Variants in HTATSF1 observed in about 807,000 individuals in gnomAD.
HTATSF1 encodes the protein 17S U2 SnRNP complex component HTATSF1.
In HTATSF1, 6 loss-of-function variants were observed where a neutral mutation model predicts 46.1. That is an observed-to-expected ratio of 0.13 (90% CI 0.07 to 0.26). The LOEUF is 0.26. HTATSF1 is among the 10% of genes least tolerant of loss of function. The probability of loss-of-function intolerance (pLI) is 1.00; values close to 1 mark genes in which losing one functional copy is unlikely to be tolerated. For missense variants in HTATSF1, 452 were observed against 559.9 expected, an observed-to-expected ratio of 0.81 and a Z score of 1.94; for synonymous variants, 226 against 211.5, an observed-to-expected ratio of 1.07 and a Z score of -0.60.
At chrX:136,499,844 T>C (rs2075710004) in intron 2 of HTATSF1, 66 bp downstream of exon 2, 9 of 867,724 alleles carry the variant, frequency 1.0e-5, no homozygotes, top group Non-Finnish European at 1.3e-5. Flanking sequence ...ATAGGTACAG[T>C]TGCTTTTTCG....
Position 136,511,211 on chromosome X carries a change from A to G in HTATSF1, c.1466A>G (p.Asn489Ser), listed in dbSNP as rs369911529. The G allele has an allele frequency of 9.1e-6, 11 of 1,208,352 alleles. No homozygotes were observed. The highest frequency in any genetic ancestry group is 8.9e-5 in the East Asian group (3 of 33,841). ...SCSQKESEEG[N>S]PVRGSEEDSP... ...TCCCAAAAAGAGTCTGAAGAAGGCAATCCCGTAAGAGGATCTGAAGAGGAT... is the reference window on the plus strand; with the variant it reads ...TCCCAAAAAGAGTCTGAAGAAGGCAGTCCCGTAAGAGGATCTGAAGAGGAT... Residue 489 changes from asparagine (N) to serine (S), a missense_variant, in exon 9 of 9, where the codon AAT becomes AGT. Coordinates refer to ENST00000218364, the MANE Select transcript of HTATSF1 (RefSeq NM_014500.5).
chrX:136,508,838 T>C (rs2148522971), intron 6 of HTATSF1, among the ~76,000 whole-genome samples: 1 of 112,866 alleles, frequency 8.9e-6, no homozygotes, highest in Non-Finnish European at 1.9e-5. Context: ...TCTGCCACTG[T>C]AGGCCCCTTC....
chrX:136,500,699 C>A lies in HTATSF1; in HGVS notation c.451C>A (p.Gln151Lys). The change falls in exon 4 of 9, where the codon CAA becomes AAA. Residue 151 changes from glutamine (Q) to lysine (K), a missense_variant. Coordinates refer to ENST00000218364, the MANE Select transcript of HTATSF1 (RefSeq NM_014500.5). ...PPDITVDEFI[Q>K]LMSKFGIIMR... ...AGATATTACAGTGGATGAATTTATA[C>A]AACTTATGTCCAAGTTTGGCATTAT... 8.7e-7 allele frequency: 1 copy of A among 1,147,442 alleles called. No homozygotes were observed. Among genetic ancestry groups the A allele is most frequent in the Non-Finnish European group, 1.2e-6 (1 of 863,586 alleles). The allele number at this position is 1,147,442 out of a possible 1,213,427, so 94.6% of individuals were successfully genotyped here.
intron 2 of HTATSF1, 128 bp from the exon 3 acceptor site, chrX:136,500,030 G>T: frequency 3.9e-6 from 2 of 515,868 alleles, no homozygotes; most frequent in Non-Finnish European, 6.7e-6. Flanking sequence ...GTTTATCTTG[G>T]TCTTTTAAGA....
intron 6 of HTATSF1, among the ~76,000 whole-genome samples, chrX:136,506,416 T>C (rs1009596156): frequency 1.8e-5 from 2 of 111,758 alleles, no homozygotes; most frequent in African/African-American, 6.5e-5. Context: ...TCTACTAGAA[T>C]GTGAGCTCCA....
intron 5 of HTATSF1, among the ~76,000 whole-genome samples, chrX:136,503,453 T>G (rs1257650388): frequency 8.9e-6 from 1 of 112,441 alleles, no homozygotes; most frequent in Non-Finnish European, 1.9e-5. Flanking sequence ...GTCAAAATGA[T>G]AAATACTTTT....
Position 136,511,018 on chromosome X carries a change from C to T in HTATSF1, c.1273C>T (p.Pro425Ser). ...ETATGMAFEE[P>S]IDEKKFEKTE... is the part of the protein sequence containing the mutation. ...TGCAACTGGAATGGCGTTTGAAGAA[C>T]CTATAGATGAGAAGAAGTTTGAAAA... is the stretch of plus-strand genomic sequence containing the variant. The change falls in exon 9 of 9, where the codon CCT becomes TCT. Residue 425 changes from proline (P) to serine (S), a missense_variant. Pro to Ser is a moderately conservative substitution (Grantham distance 74, BLOSUM62 -1). Around this residue, in one of 3 missense-constraint regions of HTATSF1, gnomAD observed 246 missense variants for 245.3 expected, o/e 1.00. Transcript: ENST00000218364. 8.3e-7 allele frequency: 1 copy of T among 1,210,902 alleles called. No homozygotes were observed. The highest frequency in any genetic ancestry group is 1.8e-5 in the South Asian group (1 of 56,818).
In HTATSF1 at chrX:136,512,291, T is replaced by G. The variant is rs1469486978; in HGVS notation, c.*278T>G. 1.8e-5 allele frequency: 4 copies of G among 227,989 alleles called. No individual in the cohort carries two copies. Among genetic ancestry groups the G allele is most frequent in the African/African-American group, 1.1e-4 (4 of 35,022 alleles). The allele number at this position is 227,989 out of a possible 1,213,427, so 18.8% of individuals were successfully genotyped here. ...GAATAATATTTTTAAGAGTATTGAT[T>G]GAAGTTTGTGATATTCATCAATAAA... On this transcript the variant is annotated 3_prime_UTR_variant, in exon 9 of 9. Coordinates refer to ENST00000218364, the MANE Select transcript of HTATSF1 (RefSeq NM_014500.5).
chrX:136,504,423 T>C lies in HTATSF1; in HGVS notation c.794T>C (p.Val265Ala), dbSNP rs759955586. Residue 265 changes from valine to alanine, a missense_variant, in exon 6 of 9, where the codon GTT (valine) becomes GCT (alanine). Physicochemically the swap from Val to Ala is moderately conservative, Grantham distance 64 (BLOSUM62 0). This residue lies in a region of HTATSF1 where 117 missense variants were observed against 222.2 expected (regional missense o/e 0.53). Coordinates refer to ENST00000218364, the MANE Select transcript of HTATSF1 (RefSeq NM_014500.5). ...AGPSRMRHERVVIIKNMFHPM... is the reference protein window; with the variant it reads ...AGPSRMRHERAVIIKNMFHPM... ...CCATCCCGGATGCGCCATGAGCGAG[T>C]TGTCATCATCAAGAATATGTTTCAT... is the stretch of plus-strand genomic sequence containing the variant. 1 of 1,208,763 alleles carries C rather than the reference T, an allele frequency of 8.3e-7. No homozygotes were observed. Among genetic ancestry groups the C allele is most frequent in the Non-Finnish European group, 1.1e-6 (1 of 893,945 alleles).
intron 4 of HTATSF1, 88 bp downstream of exon 4, chrX:136,500,906 C>A: frequency 1.6e-6 from 1 of 613,932 alleles, no homozygotes; most frequent in Non-Finnish European, 2.4e-6. Context: ...TAACCAACAC[C>A]AAGAACTGTT....
At position 136,500,797 on chromosome X, in the gene HTATSF1, C is replaced by T. The variant is rs762387013; in HGVS notation, c.549C>T (p.Asp183=). 37 of 1,120,897 alleles carry T rather than the reference C, an allele frequency of 3.3e-5. No individual in the cohort carries two copies. The highest frequency in any genetic ancestry group is 2.5e-4 in the Middle Eastern group (1 of 4,047). 92.4% of individuals were successfully genotyped at this position (1,120,897 alleles called of 1,213,427 possible). Residue 183 remains aspartate, a synonymous_variant, in exon 4 of 9, where the codon GAC becomes GAT. Coordinates refer to ENST00000218364, the MANE Select transcript of HTATSF1 (RefSeq NM_014500.5). ...YKDNQGNLKG[D]GLCCYLKRES... ...ATAATCAAGGAAATCTTAAAGGAGA[C>T]GGTCTTTGCTGTTATTTGAAAGTAA... is the stretch of plus-strand genomic sequence containing the variant.
rs1569354107 is a variant in HTATSF1, at chrX:136,504,473, G to A, written c.834+10G>A. The A allele has an allele frequency of 8.6e-7, 1 of 1,159,595 alleles. No homozygotes were observed. The highest frequency in any genetic ancestry group is 2.2e-5 in the Admixed American group (1 of 44,647). On this transcript the variant is annotated intron_variant, in intron 6 of 8. Transcript: ENST00000218364. ...TCCTATGGATTTTGAGGTAGGAAGT[G>A]GTGTGCTTACTGATAGAAATGCTGA...
upstream of HTATSF1, chrX:136,497,576 G>T: frequency 1.6e-6 from 1 of 628,993 alleles, no homozygotes; most frequent in Non-Finnish European, 2.3e-6. Context: ...GGGCCGGGGG[G>T]CGGCGGGGCG....
Position 136,499,852 on chromosome X carries a change from T to C in HTATSF1, c.367+74T>C, listed in dbSNP as rs187863836. 6.5e-6 allele frequency: 5 copies of C among 774,689 alleles called. No individual in the cohort carries two copies. In the African/African-American group the frequency reaches 1.1e-4, roughly 17 times the overall value. The allele number at this position is 774,689 out of a possible 1,213,427, so 63.8% of individuals were successfully genotyped here. ...GGTGTGCATAGGTACAGTTGCTTTT[T>C]CGAGAATTATAATAGCTTTGAAGGA... On this transcript the variant is annotated intron_variant, in intron 2 of 8. Transcript: ENST00000218364.
Position 136,504,441 on chromosome X carries a change from T to C in HTATSF1, c.812T>C (p.Met271Thr). The change falls in exon 6 of 9, where the codon ATG becomes ACG. Residue 271 changes from methionine (M) to threonine (T), a missense_variant. Met to Thr is a moderately conservative substitution (Grantham distance 81, BLOSUM62 -1). Transcript: ENST00000218364. ...GAGCGAGTTGTCATCATCAAGAATA[T>C]GTTTCATCCTATGGATTTTGAGGTA... ...RHERVVIIKNMFHPMDFEDDP... is the reference protein window; with the variant it reads ...RHERVVIIKNTFHPMDFEDDP... 1 of 1,205,006 alleles carries C rather than the reference T, an allele frequency of 8.3e-7. No homozygotes were observed. The highest frequency in any genetic ancestry group is 1.1e-6 in the Non-Finnish European group (1 of 890,893).
intron 1 of HTATSF1, 32 bp downstream of exon 1, chrX:136,497,902 C>G (rs766093722): frequency 9.3e-7 from 1 of 1,080,080 alleles, no homozygotes; most frequent in Non-Finnish European, 1.2e-6. Context: ...CACTGCAGAG[C>G]GGGCCGCCTG....
Position 136,499,662 on chromosome X carries a change from G to T in HTATSF1, c.251G>T (p.Ser84Ile), listed in dbSNP as rs770761536. 3 of 1,202,396 alleles carry T rather than the reference G, an allele frequency of 2.5e-6. No homozygotes were observed. The highest frequency in any genetic ancestry group is 3.4e-6 in the Non-Finnish European group (3 of 891,746). Residue 84 changes from serine to isoleucine, a missense_variant, in exon 2 of 9, where the codon AGT (serine) becomes ATT (isoleucine). Coordinates refer to ENST00000218364, the MANE Select transcript of HTATSF1 (RefSeq NM_014500.5). ...NYGFSNDGAS[S>I]STANVEDVHA... The stretch of plus-strand genomic sequence containing the variant: ...GGCTTCTCTAACGATGGCGCATCTA[G>T]TTCTACCGCAAATGTTGAAGATGTC...
chrX:136,511,137 A>G lies in HTATSF1; in HGVS notation c.1392A>G (p.Glu464=). 8.3e-7 allele frequency: 1 copy of G among 1,209,863 alleles called. No homozygotes were observed. The highest frequency in any genetic ancestry group is 1.1e-6 in the Non-Finnish European group (1 of 895,051). The change falls in exon 9 of 9, where the codon GAA becomes GAG. Residue 464 remains glutamate (E), a synonymous_variant. Transcript: ENST00000218364. ...AAGAGGCTGAAGAAGGCTGCCCTGAAAAAGAATCTGAAGAGGGCTGCCCCA... is the reference window on the plus strand; with the variant it reads ...AAGAGGCTGAAGAAGGCTGCCCTGAGAAAGAATCTGAAGAGGGCTGCCCCA... ...PEKEAEEGCP[E]KESEEGCPKR... is the part of the protein sequence containing the mutation.
intron 7 of HTATSF1, 85 bp from the exon 8 acceptor site, chrX:136,509,997 C>T (rs2075759841): frequency 1.1e-6 from 1 of 895,686 alleles, no homozygotes; most frequent in African/African-American, 2.0e-5. Flanking sequence ...AGAGAGAACA[C>T]TACTACTTAC....
Sources: gnomAD v4.1 joint callset for allele counts (sites outside exome capture counted in the v4.1 genomes callset) on GRCh38, gnomAD v4.1.1 for gene constraint, gnomAD v4.1.1 regional missense constraint, MANE v1.5 for transcripts, NCBI Gene and HGNC (gene_info 2026-07-23, HGNC 2026-07-21) for gene names.